The following TENM1 variants were observed in gnomAD, a reference collection of about 807,000 sequenced individuals.
The protein encoded by TENM1 is teneurin-1.
Under a neutral mutation model 174.8 loss-of-function variants are expected in TENM1, and 35 were observed. The ratio of observed to expected loss-of-function variants is 0.20; its 90% CI spans 0.15 to 0.27. The LOEUF (loss-of-function observed/expected upper bound fraction) is 0.27. Among genes scored for constraint, TENM1 ranks in the 10% least tolerant of loss-of-function variants. The pLI, the probability that TENM1 is intolerant of heterozygous loss-of-function variation, is 1.00. For synonymous variants in TENM1, 781 were observed against 798.7 expected, an observed-to-expected ratio of 0.98 and a Z score of 0.37; for missense variants, 1,633 against 2,130.1, an observed-to-expected ratio of 0.77 and a Z score of 4.59.
intron 11 of TENM1, among the ~76,000 whole-genome samples, chrX:124,569,069 T>A (rs1055675717): frequency 9.0e-6 from 1 of 110,680 alleles, no homozygotes; most frequent in Non-Finnish European, 1.9e-5. Context: ...CTGGGTGTGG[T>A]GGCATGTGCC....
chrX:125,108,113 A>AC, the TENM1 span, among the ~76,000 whole-genome samples: 1 of 111,806 alleles, frequency 8.9e-6, no homozygotes, highest in Non-Finnish European at 1.9e-5. Context: ...CAAATTAGAA[A>AC]CCTTAGAGTC....
chrX:124,478,769 C>G (rs1603282897), intron 22 of TENM1, among the ~76,000 whole-genome samples: 1 of 111,735 alleles, frequency 8.9e-6, no homozygotes, highest in Non-Finnish European at 1.9e-5. Context: ...TAAACGTTTG[C>G]TATCTACTAA....
At chrX:125,046,685 C>T in the TENM1 span, among the ~76,000 whole-genome samples, 8 of 111,904 alleles carry the variant, frequency 7.1e-5, no homozygotes, top group East Asian at 8.5e-4. Flanking sequence ...CATGTCCTGC[C>T]GAATGTGGGT....
At position 124,849,293 on chromosome X, in the gene TENM1, C is replaced by G. The variant is rs1454456606; in HGVS notation, c.535+45003G>C. On this transcript the variant is annotated intron_variant, in intron 3 of 31. Coordinates refer to ENST00000422452, the Ensembl canonical transcript of TENM1. ...CCCTCCCTTTTAGTTTGAGTACAACCTGTAACTTCATTATAATCAATAGAA... is the reference window on the plus strand; with the variant it reads ...CCCTCCCTTTTAGTTTGAGTACAACGTGTAACTTCATTATAATCAATAGAA... Among the ~76,000 whole-genome samples the G allele has an allele frequency of 1.1e-4, 12 of 111,267 alleles. No individual in the cohort carries two copies. The Admixed American group carries it at 1.1e-3, about 11-fold the overall frequency.
the TENM1 span, among the ~76,000 whole-genome samples, chrX:124,998,351 C>A: frequency 9.2e-6 from 1 of 109,220 alleles, no homozygotes; most frequent in Admixed American, 9.9e-5. Context: ...AAGGAGTAAG[C>A]TCAAAAACAG....
intron 3 of TENM1, among the ~76,000 whole-genome samples, chrX:124,809,875 AGAG>A (rs1569452146): frequency 0.035 from 3,782 of 107,916 alleles, 90 homozygotes; most frequent in African/African-American, 0.082. Flanking sequence ...AGAGAGAGAG[AGAG>A]AAGCAGGAAG....
intron 11 of TENM1, among the ~76,000 whole-genome samples, chrX:124,598,750 G>A (rs935482756): frequency 9.0e-6 from 1 of 111,436 alleles, no homozygotes; most frequent in Non-Finnish European, 1.9e-5. Flanking sequence ...GGGAAGGGTA[G>A]TGGGGTTTGG....
intron 19 of TENM1, among the ~76,000 whole-genome samples, chrX:124,501,751 G>T (rs1031036384): frequency 1.8e-5 from 2 of 111,244 alleles, no homozygotes; most frequent in African/African-American, 6.5e-5. Flanking sequence ...TCCCAAAGCT[G>T]CTCCATCACA....
rs770143560 is a variant in TENM1 at position 124,585,646 on chromosome X, C to T, written c.2078-20086G>A. Among the ~76,000 whole-genome samples the T allele has an allele frequency of 6.3e-5, 7 of 110,528 alleles. No homozygotes were observed. In the East Asian group the frequency reaches 1.7e-3, roughly 27 times the overall value. On this transcript the variant is annotated intron_variant, in intron 11 of 31. Coordinates refer to ENST00000422452, the Ensembl canonical transcript of TENM1. ...AAAGAACTAGAAAAGCAAGAGCAAACACATTCAAAAGCTAGCAGAAGGCAA... is the reference window on the plus strand; with the variant it reads ...AAAGAACTAGAAAAGCAAGAGCAAATACATTCAAAAGCTAGCAGAAGGCAA...
chrX:124,709,157 A>G (rs1373593273), intron 4 of TENM1, among the ~76,000 whole-genome samples: 1 of 112,010 alleles, frequency 8.9e-6, no homozygotes, highest in Non-Finnish European at 1.9e-5. Flanking sequence ...TGCTCTAAAT[A>G]CTTCACAAAG....
intron 28 of TENM1, among the ~76,000 whole-genome samples, chrX:124,387,543 A>T (rs1251257802): frequency 8.9e-6 from 1 of 112,290 alleles, no homozygotes; most frequent in Admixed American, 9.4e-5. Context: ...GTATATTTTC[A>T]TTTTCTAAGC....
intron 22 of TENM1, among the ~76,000 whole-genome samples, chrX:124,459,113 G>A (rs1603274944): frequency 9.0e-6 from 1 of 111,183 alleles, no homozygotes; most frequent in African/African-American, 3.3e-5. Context: ...TGCCATGGGA[G>A]CATCCTTGGG....
At chrX:124,517,520 G>A (rs1279913832) in intron 18 of TENM1, among the ~76,000 whole-genome samples, 1 of 108,832 alleles carries the variant, frequency 9.2e-6, no homozygotes, top group Non-Finnish European at 1.9e-5. Context: ...TAGGGACACG[G>A]ATGAAGCTGG....
intron 18 of TENM1, among the ~76,000 whole-genome samples, chrX:124,520,077 A>C (rs1052443328): frequency 1.8e-5 from 2 of 112,251 alleles, no homozygotes; most frequent in Non-Finnish European, 3.8e-5. Context: ...TTTAACCTGA[A>C]GAAGTAACAA....
chrX:124,841,460 A>C (rs1473292058), intron 3 of TENM1, among the ~76,000 whole-genome samples: 1 of 111,014 alleles, frequency 9.0e-6, no homozygotes, highest in Non-Finnish European at 1.9e-5. Context: ...ATTAGGAAAA[A>C]GTGGACAAAA....
the TENM1 span, among the ~76,000 whole-genome samples, chrX:125,014,316 G>A: frequency 1.4e-4 from 16 of 112,423 alleles, no homozygotes; most frequent in African/African-American, 5.2e-4. Flanking sequence ...ACAATAAAAA[G>A]CTTTTCAGAT....
chrX:124,739,602 T>A (rs971076796), intron 3 of TENM1, among the ~76,000 whole-genome samples: 1 of 112,347 alleles, frequency 8.9e-6, no homozygotes, highest in African/African-American at 3.2e-5. Flanking sequence ...TGCCCAGCAC[T>A]CTTTCCATTA....
intron 3 of TENM1, among the ~76,000 whole-genome samples, chrX:124,859,559 AC>A (rs2056875821): frequency 9.2e-6 from 1 of 109,099 alleles, no homozygotes; most frequent in Admixed American, 9.7e-5. Flanking sequence ...AAAAAAAAAA[AC>A]AAAAAGAAAG....
intron 23 of TENM1, among the ~76,000 whole-genome samples, chrX:124,427,069 G>A (rs1459350419): frequency 8.9e-6 from 1 of 111,971 alleles, no homozygotes; most frequent in East Asian, 2.8e-4. Context: ...GGGGCTGGCT[G>A]AGGAAGAGGA....
Sources: gnomAD v4.1 joint callset for allele counts (sites outside exome capture counted in the v4.1 genomes callset) on GRCh38, gnomAD v4.1.1 for gene constraint, MANE v1.5 for transcripts, NCBI Gene and HGNC (gene_info 2026-07-23, HGNC 2026-07-21) for gene names.